TNS1: variants seen among roughly 807,000 people sequenced by gnomAD.
TNS1 encodes tensin 1.
A neutral mutation model predicts 168.6 loss-of-function variants in TNS1; 62 were observed. The ratio of observed to expected loss-of-function variants is 0.37; its 90% CI spans 0.30 to 0.45. The LOEUF is 0.45. Among genes scored for constraint, TNS1 ranks in the 20% least tolerant of loss-of-function variants. TNS1 has a pLI of 1.00. For synonymous variants in TNS1, 934 were observed against 933.2 expected, an observed-to-expected ratio of 1.00 and a Z score of -0.02; for missense variants, 2,240 against 2,339.4, an observed-to-expected ratio of 0.96 and a Z score of 0.88.
At chr2:217,822,042 G>A (rs1942950975) in intron 22 of TNS1, 104 bp from the exon 23 acceptor site, 3 of 1,240,416 alleles carry the variant, frequency 2.4e-6, no homozygotes, top group Admixed American at 2.9e-5. Context: ...ACTCCTGCCT[G>A]GGAACATAGG....
At chr2:217,814,236 G>C (rs542710223) in intron 25 of TNS1, among the ~76,000 whole-genome samples, 1 of 152,056 alleles carries the variant, frequency 6.6e-6, no homozygotes, top group African/African-American at 2.4e-5. Context: ...GGCTGGTCTC[G>C]AACTCCTGGC....
chr2:217,991,721 C>T (rs1376956107), intron 1 of TNS1, among the ~76,000 whole-genome samples: 2 of 152,100 alleles, frequency 1.3e-5, no homozygotes, highest in African/African-American at 2.4e-5. Context: ...GATGGGCCTT[C>T]GCTTCTCTAA....
intron 3 of TNS1, among the ~76,000 whole-genome samples, chr2:217,959,511 G>C (rs1436709821): frequency 6.6e-6 from 1 of 150,632 alleles, no homozygotes; most frequent in Non-Finnish European, 1.5e-5. Flanking sequence ...ATGGAACCTG[G>C]TGTCTTAGCA....
intron 18 of TNS1, among the ~76,000 whole-genome samples, chr2:217,866,729 G>C (rs548560504): frequency 1.3e-5 from 2 of 152,328 alleles, no homozygotes; most frequent in Non-Finnish European, 2.9e-5. Flanking sequence ...GGAGGGGACA[G>C]GGAGAAGGCT....
chr2:217,904,277 C>G (rs1953390779), intron 6 of TNS1, among the ~76,000 whole-genome samples: 1 of 152,220 alleles, frequency 6.6e-6, no homozygotes, highest in Non-Finnish European at 1.5e-5. Flanking sequence ...AGGAGGAAAA[C>G]AGCCATTCCT....
intron 3 of TNS1, among the ~76,000 whole-genome samples, chr2:217,962,676 G>A (rs1957529380): frequency 6.6e-6 from 1 of 152,204 alleles, no homozygotes; most frequent in Non-Finnish European, 1.5e-5. Flanking sequence ...TAGAAAGAAT[G>A]ATGGAAAGAG....
At chr2:218,025,819 G>A (rs1022531030) in intron 1 of TNS1, among the ~76,000 whole-genome samples, 2 of 152,122 alleles carry the variant, frequency 1.3e-5, no homozygotes, top group African/African-American at 4.8e-5. Context: ...TGGGAATACA[G>A]GTGTGATCAC....
In TNS1 at chr2:217,818,003, C is replaced by A; in HGVS notation, c.4329G>T (p.Gln1443His). 6.3e-7 allele frequency: 1 copy of A among 1,597,364 alleles called. No individual in the cohort carries two copies. The highest frequency in any genetic ancestry group is 8.5e-7 in the Non-Finnish European group (1 of 1,171,856). ...PEDRRPTLSRQSSASGYQAPS... is the reference protein window; with the variant it reads ...PEDRRPTLSRHSSASGYQAPS... ...GAGCCTGGTAGCCAGAGGCACTGCT[C>A]TGCCGGGACAGTGTGGGTCTCCGAT... The change falls in exon 24 of 33, where the codon CAG becomes CAT. Residue 1443 changes from glutamine to histidine, a missense_variant. Transcript: ENST00000682258.
chr2:217,808,705 G>A, intron 30 of TNS1, 34 bp from the exon 31 acceptor site: 2 of 1,605,230 alleles, frequency 1.2e-6, no homozygotes, highest in Non-Finnish European at 1.7e-6. Flanking sequence ...CAGAGAATGA[G>A]TGCTGAAGGG....
chr2:217,829,567 G>A (rs928395008), intron 22 of TNS1, among the ~76,000 whole-genome samples: 6 of 152,192 alleles, frequency 3.9e-5, no homozygotes, highest in Non-Finnish European at 5.9e-5. Flanking sequence ...GAAGGTGCAA[G>A]AGGAGCGTTT....
rs530218073 is a variant in TNS1, at chr2:217,950,848, C to T, written c.186+27917G>A. Among the ~76,000 whole-genome samples the T allele has an allele frequency of 1.4e-4, 22 of 151,876 alleles. No homozygotes were observed. In the South Asian group the frequency reaches 4.2e-3, roughly 29 times the overall value. ...TCCCCTCCCCTGCTTCAGTTTACCC[C>T]TCGGCTCACTTTCCATCTCCCCGAG... On this transcript the variant is annotated intron_variant, in intron 3 of 32. Coordinates refer to ENST00000682258, the MANE Select transcript of TNS1 (RefSeq NM_001387777.1).
intron 3 of TNS1, among the ~76,000 whole-genome samples, chr2:217,971,874 G>A (rs1000505974): frequency 5.3e-5 from 8 of 152,104 alleles, no homozygotes; most frequent in Admixed American, 3.9e-4. Flanking sequence ...GCAAACAAGC[G>A]AAAGACATAT....
chr2:217,920,365 A>G, intron 3 of TNS1, 129 bp from the exon 4 acceptor site: 1 of 663,076 alleles, frequency 1.5e-6, no homozygotes, highest in Non-Finnish European at 2.8e-6. Context: ...CTGGGTTGAG[A>G]GTTCTTCAGC....
At position 217,821,185 on chromosome 2, in the gene TNS1, G is replaced by A. The variant is rs550323031; in HGVS notation, c.3572+555C>T. 2.3e-4 allele frequency among the ~76,000 whole-genome samples: 35 copies of A among 152,288 alleles called. No individual in the cohort carries two copies. The South Asian group carries it at 5.6e-3, about 24-fold the overall frequency. On this transcript the variant is annotated intron_variant, in intron 23 of 32. Coordinates refer to ENST00000682258, the MANE Select transcript of TNS1 (RefSeq NM_001387777.1). Reference sequence around the variant, plus strand: ...GACTCTCATCCTGTGCAGGGAGGGCGCCATGATGCAGGTCTGGGGCAGAGG... The same window carrying A: ...GACTCTCATCCTGTGCAGGGAGGGCACCATGATGCAGGTCTGGGGCAGAGG...
rs1045788970 is a variant in TNS1 at position 217,801,065 on chromosome 2, G to T, written c.*3394C>A. On this transcript the variant is annotated 3_prime_UTR_variant, in exon 33 of 33. Transcript: ENST00000682258. ...GACCCAGGGATCCTCAAAAACCAGG[G>T]GAGAAGGAATCCTGGCCATTGGTGT... The T allele has an allele frequency of 1.3e-5, 2 of 152,134 alleles. No homozygotes were observed. Among genetic ancestry groups the T allele is most frequent in the Non-Finnish European group, 2.9e-5 (2 of 68,054 alleles). The allele number at this position is 152,134 out of a possible 1,614,324, so 9.4% of individuals were successfully genotyped here.
intron 3 of TNS1, among the ~76,000 whole-genome samples, chr2:217,931,813 TG>T (rs1559370578): frequency 6.6e-6 from 1 of 152,190 alleles, no homozygotes; most frequent in East Asian, 1.9e-4. Flanking sequence ...AACGTTAAAA[TG>T]TTTTTTAATA....
chr2:217,960,296 G>A (rs773629931), intron 3 of TNS1, among the ~76,000 whole-genome samples: 5 of 152,114 alleles, frequency 3.3e-5, no homozygotes, highest in Admixed American at 6.5e-5. Flanking sequence ...ATTGAGGCTG[G>A]GGGTGGTCAA....
chr2:217,898,909 C>T (rs955581458), intron 7 of TNS1, among the ~76,000 whole-genome samples: 4 of 152,226 alleles, frequency 2.6e-5, no homozygotes, highest in African/African-American at 9.6e-5. Context: ...AAGCACCTCC[C>T]CCATCCCTCC....
In TNS1 at chr2:217,986,502, G is replaced by A. The variant is rs548530769; in HGVS notation, c.148+4440C>T. Reference sequence around the variant, plus strand: ...ATCCTGGTATCTTCCTGTGGGTTTCGGCCTGGTGGGAGGTAGAGCCCTTGA... The same window carrying A: ...ATCCTGGTATCTTCCTGTGGGTTTCAGCCTGGTGGGAGGTAGAGCCCTTGA... On this transcript the variant is annotated intron_variant, in intron 2 of 32. Coordinates refer to ENST00000682258, the MANE Select transcript of TNS1 (RefSeq NM_001387777.1). The surrounding 1 kb of genome is among the most constrained non-coding windows in gnomAD (Gnocchi z 4.7). Among the ~76,000 whole-genome samples the A allele has an allele frequency of 2.0e-5, 3 of 152,256 alleles. No homozygotes were observed. The highest frequency in any genetic ancestry group is 1.9e-4 in the East Asian group (1 of 5,170).
Sources: allele counts gnomAD v4.1 joint callset (sites outside exome capture counted in the v4.1 genomes callset), GRCh38; gene constraint gnomAD v4.1.1; non-coding constraint Gnocchi (gnomAD v3.1); transcripts MANE v1.5; gene names NCBI Gene and HGNC (gene_info 2026-07-23, HGNC 2026-07-21).